Variants in EPC1 observed in about 807,000 individuals in gnomAD.
EPC1 encodes the protein enhancer of polycomb 1.
EPC1 carries 12 observed loss-of-function variants against 98.4 expected under a neutral mutation model. That is an observed-to-expected ratio of 0.12 (90% CI 0.08 to 0.20). EPC1 has a LOEUF of 0.20. Among genes scored for constraint, EPC1 ranks in the 10% least tolerant of loss-of-function variants. The probability of loss-of-function intolerance (pLI) is 1.00; values close to 1 mark genes in which losing one functional copy is unlikely to be tolerated. For synonymous variants in EPC1, 357 were observed against 363.9 expected (o/e 0.98, Z 0.21); for missense variants, 729 against 990.5 (o/e 0.74, Z 3.54).
intron 1 of EPC1, among the ~76,000 whole-genome samples, chr10:32,338,790 A>G (rs1838136925): frequency 6.6e-6 from 1 of 152,020 alleles, no homozygotes; most frequent in Non-Finnish European, 1.5e-5. Flanking sequence ...CCACTGCCAC[A>G]TAAGAACATA....
At chr10:32,277,048 T>C (rs940548608) in intron 10 of EPC1, among the ~76,000 whole-genome samples, 2 of 152,116 alleles carry the variant, frequency 1.3e-5, no homozygotes, top group African/African-American at 2.4e-5. Flanking sequence ...GTCACACATA[T>C]GTAACAGTGG....
At chr10:32,346,642 TGA>T in intron 1 of EPC1, 119 bp downstream of exon 1, 2 of 1,016,314 alleles carry the variant, frequency 2.0e-6, no homozygotes, top group East Asian at 2.5e-5. Flanking sequence ...GGCCGGCGAC[TGA>T]GAGTCGGCGG....
chr10:32,351,791 C>A (rs1377867443), upstream of EPC1, among the ~76,000 whole-genome samples: 1 of 150,818 alleles, frequency 6.6e-6, no homozygotes, highest in African/African-American at 2.4e-5. Context: ...AGTGCAGTGG[C>A]GTGATCTCGG....
In EPC1 at chr10:32,340,661, A is replaced by T. The variant is rs574926312; in HGVS notation, c.153+6102T>A. Among the ~76,000 whole-genome samples the T allele has an allele frequency of 3.3e-5, 5 of 152,244 alleles. No individual in the cohort carries two copies. In the South Asian group the frequency reaches 1.0e-3, roughly 32 times the overall value. ...CCCAGGCAACATGGTGAATATTTAAAAATAAAAATAGAAAAAATTAGGCGT... is the reference window on the plus strand; with the variant it reads ...CCCAGGCAACATGGTGAATATTTAATAATAAAAATAGAAAAAATTAGGCGT... On this transcript the variant is annotated intron_variant, in intron 1 of 13. Transcript: ENST00000319778.
chr10:32,355,644 G>A (rs1395152305), intron 1 of EPC1, among the ~76,000 whole-genome samples: 1 of 100,554 alleles, frequency 9.9e-6, no homozygotes, highest in Non-Finnish European at 1.8e-5. Flanking sequence ...TTTTTTTTTG[G>A]GACAGAGTTG....
chr10:32,272,252 T>C (rs1256010802), intron 11 of EPC1, 85 bp from the exon 12 acceptor site: 2 of 1,161,268 alleles, frequency 1.7e-6, no homozygotes, highest in Non-Finnish European at 2.4e-6. Context: ...CCAAAATCAG[T>C]TTGAATATAA....
At chr10:32,371,604 G>A (rs1400763766) in intron 1 of EPC1, among the ~76,000 whole-genome samples, 2 of 152,154 alleles carry the variant, frequency 1.3e-5, no homozygotes, top group Non-Finnish European at 2.9e-5. Context: ...AAAGCATAAG[G>A]AGAATCCTCC....
chr10:32,345,720 G>A (rs1759906114), intron 1 of EPC1: 3 of 756,840 alleles, frequency 4.0e-6, no homozygotes, highest in African/African-American at 3.8e-5. Flanking sequence ...TCTATTAGTT[G>A]TCAACATTTA....
rs76430829 is a variant in EPC1, at chr10:32,325,292, T to C, written c.154-19361A>G. 9.1e-3 allele frequency among the ~76,000 whole-genome samples: 1,386 copies of C among 152,338 alleles called. 25 individuals carry two copies. Among genetic ancestry groups the C allele is most frequent in the African/African-American group, 0.029 (1,225 of 41,578 alleles). On this transcript the variant is annotated intron_variant, in intron 1 of 13. Coordinates refer to ENST00000319778, the MANE Select transcript of EPC1 (RefSeq NM_001272004.3). ...GGAAGCCTTGTTTTTACAGCTTTTC[T>C]AATTAATAGCAATAATTCATTTCAA... is the stretch of plus-strand genomic sequence containing the variant.
At chr10:32,302,421 G>A (rs1835608995) in intron 2 of EPC1, among the ~76,000 whole-genome samples, 2 of 152,004 alleles carry the variant, frequency 1.3e-5, no homozygotes, top group African/African-American at 4.8e-5. Flanking sequence ...GCCGAGGCGG[G>A]TGGATCACCT....
rs554066941 is a variant in EPC1 at position 32,325,004 on chromosome 10, GAAAAATAAATAAAT to G, written c.154-19087_154-19074del. Among the ~76,000 whole-genome samples the G allele has an allele frequency of 1.6e-4, 25 of 152,016 alleles. No individual in the cohort carries two copies. The South Asian group carries it at 2.7e-3, about 16-fold the overall frequency. ...GACAGAGTGAGACTCTGTCTCAAAA[GAAAAATAAATAAAT>G]AAAAATAAATAAATAAAACCTTGAA... is the stretch of plus-strand genomic sequence containing the variant. On this transcript the variant is annotated intron_variant, in intron 1 of 13. Coordinates refer to ENST00000319778, the MANE Select transcript of EPC1 (RefSeq NM_001272004.3).
chr10:32,376,872 A>C (rs1157134330), intron 1 of EPC1, among the ~76,000 whole-genome samples: 1 of 152,166 alleles, frequency 6.6e-6, no homozygotes, highest in Non-Finnish European at 1.5e-5. Flanking sequence ...GTGACCAAAA[A>C]AAATACGCTT....
intron 10 of EPC1, among the ~76,000 whole-genome samples, chr10:32,278,371 G>GTTTTTTTTTTTT (rs58729377): frequency 2.9e-5 from 3 of 102,598 alleles, no homozygotes; most frequent in Non-Finnish European, 5.7e-5. Context: ...GTTTTTTTTT[G>GTTTTTTTTTTTT]TTTTTTTTTT....
intron 1 of EPC1, among the ~76,000 whole-genome samples, chr10:32,337,833 A>G (rs1047281130): frequency 6.7e-6 from 1 of 149,594 alleles, no homozygotes; most frequent in Non-Finnish European, 1.5e-5. Flanking sequence ...CCTTCTCACC[A>G]CTCCACCAAA....
intron 10 of EPC1, chr10:32,282,910 A>G (rs542866837): frequency 6.6e-4 from 101 of 152,296 alleles, no homozygotes; most frequent in African/African-American, 2.3e-3. Flanking sequence ...TAAAACCTCT[A>G]TACTAACACT....
intron 2 of EPC1, among the ~76,000 whole-genome samples, chr10:32,302,304 C>A (rs920918847): frequency 6.6e-6 from 1 of 151,806 alleles, no homozygotes; most frequent in East Asian, 1.9e-4. Context: ...AGAATATTAT[C>A]TTTTTAAAAA....
rs1554819136 is a variant in EPC1 at position 32,290,505 on chromosome 10, A to AAAAAAAGAAAGAAAG, written c.975+657_975+658insCTTTCTTTCTTTTTT. Among the ~76,000 whole-genome samples the AAAAAAAGAAAGAAAG allele has an allele frequency of 4.4e-3, 341 of 77,406 alleles. 9 individuals carry two copies. Among genetic ancestry groups the AAAAAAAGAAAGAAAG allele is most frequent in the Middle Eastern group, 0.011 (1 of 90 alleles). The allele number at this position is 77,406 out of a possible 152,430, so 50.8% of individuals were successfully genotyped here. The stretch of plus-strand genomic sequence containing the variant: ...TGTCAAAAAAAAAAAAAAAAAAAAA[A>AAAAAAAGAAAGAAAG]AAAGAAAGAAAGAAAAACTCATCTG... On this transcript the variant is annotated intron_variant, in intron 6 of 13. Coordinates refer to ENST00000319778, the MANE Select transcript of EPC1 (RefSeq NM_001272004.3).
At chr10:32,377,428 A>T (rs1839892589) in intron 1 of EPC1, 1 of 152,224 alleles carries the variant, frequency 6.6e-6, no homozygotes, top group African/African-American at 2.4e-5. Context: ...GGAAAATGCA[A>T]AATGTTACTA....
chr10:32,269,020 G>C lies in EPC1; in HGVS notation c.*43C>G. ...GCATTCAAAATGCTACTGATGCATA[G>C]CACCTAATCAAGTCCCCAGGCTGCA... On this transcript the variant is annotated 3_prime_UTR_variant, in exon 14 of 14. Coordinates refer to ENST00000319778, the MANE Select transcript of EPC1 (RefSeq NM_001272004.3). 6.5e-7 allele frequency: 1 copy of C among 1,529,252 alleles called. No individual in the cohort carries two copies. The highest frequency in any genetic ancestry group is 9.0e-7 in the Non-Finnish European group (1 of 1,105,224). The allele number at this position is 1,529,252 out of a possible 1,614,324, so 94.7% of individuals were successfully genotyped here. A position where few individuals can be genotyped will look rare whatever the true frequency, so the allele number is the denominator to read the frequency against.
Sources: allele counts gnomAD v4.1 joint callset (sites outside exome capture counted in the v4.1 genomes callset), GRCh38; gene constraint gnomAD v4.1.1; transcripts MANE v1.5; gene names NCBI Gene and HGNC (gene_info 2026-07-23, HGNC 2026-07-21).